PLCB4: variants seen among roughly 807,000 people sequenced by gnomAD.
PLCB4 encodes phospholipase C beta 4.
PLCB4 carries 77 observed loss-of-function variants against 178.8 expected under a neutral mutation model. The observed-to-expected ratio is 0.43, with a 90% CI of 0.36 to 0.52. The LOEUF (loss-of-function observed/expected upper bound fraction) is 0.52, where lower values mean the gene tolerates loss of function less well. Ranked by LOEUF, PLCB4 falls within the 20% of genes least tolerant of loss-of-function variation. The pLI, the probability that PLCB4 is intolerant of heterozygous loss-of-function variation, is 0.00. For synonymous variants in PLCB4, 496 were observed against 490.8 expected (o/e 1.01, Z -0.14); for missense variants, 1,024 against 1,453.4 (o/e 0.70, Z 4.80).
chr20:9,432,803 G>A (rs975947385), intron 28 of PLCB4, among the ~76,000 whole-genome samples: 11 of 152,200 alleles, frequency 7.2e-5, no homozygotes, highest in African/African-American at 2.7e-4. Flanking sequence ...TGACCACAGG[G>A]CAGAAGGATG....
chr20:9,379,782 C>T (rs143750258), intron 12 of PLCB4, among the ~76,000 whole-genome samples: 2 of 152,242 alleles, frequency 1.3e-5, no homozygotes, highest in Admixed American at 6.5e-5. Context: ...TTGACATGCA[C>T]ACTTTATTAT....
Position 9,300,923 on chromosome 20 carries a change from C to T in PLCB4, c.-15-6877C>T, listed in dbSNP as rs148968034. ...CCAAAATTTATTCTGTCACAGTTCT[C>T]GAGGCCAGACGTCTGACATCAAGGT... On this transcript the variant is annotated intron_variant, in intron 3 of 39. Transcript: ENST00000378473. 3.3e-3 allele frequency among the ~76,000 whole-genome samples: 499 copies of T among 152,058 alleles called. 2 individuals are homozygous for T. Among genetic ancestry groups the T allele is most frequent in the African/African-American group, 0.011 (457 of 41,480 alleles).
At position 9,307,854 on chromosome 20, in the gene PLCB4, C is replaced by G. The variant is rs771962715; in HGVS notation, c.40C>G (p.Pro14Ala). ...TGAATTTAACTGGCAGAAGGAAGTT[C>G]CCTCCTTTTTGCAAGAAGGAGCAGT... Reference protein sequence around the residue: ...PYEFNWQKEVPSFLQEGAVFD... With the variant: ...PYEFNWQKEVASFLQEGAVFD... The change falls in exon 4 of 40, where the codon CCC (proline) becomes GCC (alanine). Residue 14 changes from proline (P) to alanine (A), a missense_variant. Pro to Ala is a conservative substitution (Grantham distance 27). Around this residue, in one of 7 missense-constraint regions of PLCB4, gnomAD observed 225 missense variants for 291.0 expected, o/e 0.77. Transcript: ENST00000378473. 5.6e-6 allele frequency: 9 copies of G among 1,600,766 alleles called. No individual in the cohort carries two copies. The highest frequency in any genetic ancestry group is 7.7e-6 in the Non-Finnish European group (9 of 1,169,454).
At chr20:9,207,593 C>G (rs942875892) in intron 2 of PLCB4, among the ~76,000 whole-genome samples, 1 of 152,206 alleles carries the variant, frequency 6.6e-6, no homozygotes, top group African/African-American at 2.4e-5. Context: ...TGGTGCCGTG[C>G]TGCCATTGCT....
intron 1 of PLCB4, among the ~76,000 whole-genome samples, chr20:9,087,423 T>A (rs923474653): frequency 1.0e-3 from 114 of 112,884 alleles, no homozygotes; most frequent in African/African-American, 3.2e-3. Flanking sequence ...TCCTGTACTT[T>A]GAATGATTTT....
chr20:9,379,519 T>C (rs192010106), intron 12 of PLCB4, among the ~76,000 whole-genome samples: 130 of 152,310 alleles, frequency 8.5e-4, no homozygotes, highest in Non-Finnish European at 1.3e-4. Flanking sequence ...TGAAATTTGT[T>C]GAGTGCCCAA....
intron 12 of PLCB4, among the ~76,000 whole-genome samples, chr20:9,376,467 C>T (rs1212188148): frequency 6.6e-6 from 1 of 152,118 alleles, no homozygotes; most frequent in African/African-American, 2.4e-5. Flanking sequence ...TTTGCCACAT[C>T]TATGTCTCTT....
chr20:9,453,207 G>A (rs2042872348), intron 32 of PLCB4, 140 bp from the exon 33 acceptor site: 2 of 592,632 alleles, frequency 3.4e-6, no homozygotes. Flanking sequence ...GAGATCTGGA[G>A]TCTGTACTGT....
chr20:9,247,910 T>A (rs2094141712), intron 3 of PLCB4, among the ~76,000 whole-genome samples: 1 of 152,192 alleles, frequency 6.6e-6, no homozygotes, highest in Non-Finnish European at 1.5e-5. Context: ...ATATTTTTTA[T>A]TTCTTAAAAA....
intron 2 of PLCB4, among the ~76,000 whole-genome samples, chr20:9,200,158 G>GT (rs2093524845): frequency 2.0e-5 from 3 of 150,948 alleles, no homozygotes; most frequent in South Asian, 2.1e-4. Context: ...CAGCTACTTA[G>GT]TATGTCACTG....
chr20:9,215,555 G>A (rs2093721110), intron 2 of PLCB4, among the ~76,000 whole-genome samples: 1 of 152,188 alleles, frequency 6.6e-6, no homozygotes, highest in Non-Finnish European at 1.5e-5. Flanking sequence ...ACATGATGCT[G>A]TGTATTCCCT....
chr20:9,364,020 A>G (rs1329603140), intron 8 of PLCB4, among the ~76,000 whole-genome samples: 1 of 152,224 alleles, frequency 6.6e-6, no homozygotes, highest in Non-Finnish European at 1.5e-5. Context: ...AATCAAAATT[A>G]CCATGCAGAT....
intron 11 of PLCB4, 64 bp downstream of exon 11, chr20:9,372,467 A>C (rs536293912): frequency 1.2e-6 from 1 of 801,090 alleles, no homozygotes; most frequent in African/African-American, 1.7e-5. Flanking sequence ...ATTTTTTAAA[A>C]CGTTTTTGTC....
intron 19 of PLCB4, among the ~76,000 whole-genome samples, chr20:9,397,589 A>T (rs1001647883): frequency 6.6e-6 from 1 of 152,194 alleles, no homozygotes; most frequent in Non-Finnish European, 1.5e-5. Flanking sequence ...GAATTAACTA[A>T]CCTTATTCAA....
chr20:9,404,213 T>C (rs538898557), intron 20 of PLCB4, among the ~76,000 whole-genome samples: 1 of 152,144 alleles, frequency 6.6e-6, no homozygotes, highest in South Asian at 2.1e-4. Context: ...GAGGGTGGGA[T>C]TGCTGTGGTG....
intron 4 of PLCB4, among the ~76,000 whole-genome samples, chr20:9,320,218 G>T (rs1348580416): frequency 2.0e-5 from 3 of 152,174 alleles, no homozygotes; most frequent in South Asian, 2.1e-4. Context: ...CAGGAAAGGG[G>T]AAGTAATTCC....
At chr20:9,458,131 G>C (rs1343961037) in intron 34 of PLCB4, among the ~76,000 whole-genome samples, 2 of 151,884 alleles carry the variant, frequency 1.3e-5, no homozygotes, top group African/African-American at 4.8e-5. Flanking sequence ...AACTGTTAAA[G>C]AAAGCTCCCA....
intron 1 of PLCB4, among the ~76,000 whole-genome samples, chr20:9,092,164 A>T (rs955859815): frequency 9.9e-5 from 15 of 152,080 alleles, no homozygotes; most frequent in Non-Finnish European, 1.5e-4. Context: ...CTAAATATTT[A>T]CTTTTCTTTG....
At chr20:9,127,376 A>G (rs1183925930) in intron 2 of PLCB4, among the ~76,000 whole-genome samples, 1 of 152,146 alleles carries the variant, frequency 6.6e-6, no homozygotes, top group East Asian at 1.9e-4. Context: ...AAAATAATAG[A>G]TGATTAAAAA....
Sources: gnomAD v4.1 joint callset for allele counts (sites outside exome capture counted in the v4.1 genomes callset) on GRCh38, gnomAD v4.1.1 for gene constraint, gnomAD v4.1.1 regional missense constraint, MANE v1.5 for transcripts, NCBI Gene and HGNC (gene_info 2026-07-23, HGNC 2026-07-21) for gene names.